The following LAMB4 variants were observed in gnomAD, a reference collection of about 807,000 sequenced individuals.
LAMB4 encodes laminin subunit beta-4.
In LAMB4, 196 loss-of-function variants were observed where a neutral mutation model predicts 199.2. The ratio of observed to expected loss-of-function variants is 0.98; its 90% CI spans 0.88 to 1.11. The LOEUF (loss-of-function observed/expected upper bound fraction) is 1.11, where lower values mean the gene tolerates loss of function less well. LAMB4 is among the 50% of genes least tolerant of loss of function. The probability of loss-of-function intolerance (pLI) is 0.00; values close to 1 mark genes in which losing one functional copy is unlikely to be tolerated. For missense variants in LAMB4, 2,080 were observed against 2,171.2 expected (o/e 0.96, Z 0.83); for synonymous variants, 744 against 770.6 (o/e 0.97, Z 0.57).
chr7:108,110,450 G>A (rs1298554807), intron 4 of LAMB4, among the ~76,000 whole-genome samples: 1 of 152,180 alleles, frequency 6.6e-6, no homozygotes, highest in Admixed American at 6.5e-5. Flanking sequence ...GCTCACACGG[G>A]ACAGTATGGC....
chr7:108,079,191 G>A (rs755263340), intron 15 of LAMB4, among the ~76,000 whole-genome samples: 2 of 152,198 alleles, frequency 1.3e-5, no homozygotes, highest in African/African-American at 4.8e-5. Flanking sequence ...TTCTCTTGTC[G>A]CAGGGTAAGA....
intron 30 of LAMB4, among the ~76,000 whole-genome samples, chr7:108,036,607 GAC>G (rs1563034709): frequency 6.6e-6 from 1 of 152,066 alleles, no homozygotes; most frequent in Non-Finnish European, 1.5e-5. Context: ...TGGATGATGA[GAC>G]AGTGACAATG....
At chr7:108,102,671 C>T (rs779229159) in intron 10 of LAMB4, among the ~76,000 whole-genome samples, 3 of 152,108 alleles carry the variant, frequency 2.0e-5, no homozygotes, top group Non-Finnish European at 4.4e-5. Flanking sequence ...TTTTAAAAAG[C>T]GCAAGGTAAG....
At chr7:108,041,907 T>G (rs1047249769) in intron 29 of LAMB4, among the ~76,000 whole-genome samples, 1 of 152,230 alleles carries the variant, frequency 6.6e-6, no homozygotes, top group Non-Finnish European at 1.5e-5. Flanking sequence ...AAAGTTCGAA[T>G]GAAAAGTGAA....
chr7:108,013,179 G>A, the LAMB4 span, among the ~76,000 whole-genome samples: 1 of 152,186 alleles, frequency 6.6e-6, no homozygotes, highest in African/African-American at 2.4e-5. Flanking sequence ...AATTGCAAGT[G>A]CCTTGAGAGC....
intron 28 of LAMB4, 152 bp from the exon 29 acceptor site, chr7:108,044,048 C>CTTT: frequency 1.7e-6 from 1 of 582,100 alleles, no homozygotes; most frequent in South Asian, 2.7e-5. Context: ...TGCAAGGAAT[C>CTTT]TTTTACAAGG....
At chr7:108,020,621 G>A (rs2034673074), downstream of LAMB4, among the ~76,000 whole-genome samples, 1 of 152,022 alleles carries the variant, frequency 6.6e-6, no homozygotes, top group East Asian at 1.9e-4. Flanking sequence ...TTAGATGGGA[G>A]GCAGAGCTGT....
intron 28 of LAMB4, among the ~76,000 whole-genome samples, 200 bp downstream of exon 28, chr7:108,047,708 G>GTATACATATATATAAC (rs2035677167): frequency 6.6e-6 from 1 of 152,004 alleles, no homozygotes. Flanking sequence ...TATATAACAG[G>GTATACATATATATAAC]AAATATATCA....
intron 32 of LAMB4, among the ~76,000 whole-genome samples, chr7:108,030,529 C>G (rs2034991149): frequency 6.6e-6 from 1 of 152,102 alleles, no homozygotes; most frequent in East Asian, 1.9e-4. Flanking sequence ...AAGTTCGGGG[C>G]AAATTTGATT....
chr7:108,121,285 T>C (rs1347489937), intron 2 of LAMB4, among the ~76,000 whole-genome samples: 1 of 152,180 alleles, frequency 6.6e-6, no homozygotes, highest in South Asian at 2.1e-4. Flanking sequence ...TGTAAAGAAT[T>C]GTTTTATAGA....
At chr7:108,091,144 G>A (rs2037386556) in intron 14 of LAMB4, among the ~76,000 whole-genome samples, 1 of 150,764 alleles carries the variant, frequency 6.6e-6, no homozygotes. Context: ...TCACACTCTT[G>A]AGAACCTTCT....
chr7:108,107,033 A>G (rs1019239411), intron 6 of LAMB4, among the ~76,000 whole-genome samples: 6 of 152,220 alleles, frequency 3.9e-5, no homozygotes, highest in African/African-American at 1.4e-4. Flanking sequence ...CTCTTTATGT[A>G]CAAGTGGTTC....
At chr7:108,031,364 G>GAAAAAAAAAAAAAAAAA (rs2035031522) in intron 31 of LAMB4, among the ~76,000 whole-genome samples, 2 of 87,448 alleles carry the variant, frequency 2.3e-5, no homozygotes, top group African/African-American at 4.3e-5. Flanking sequence ...AAAGAAAAAG[G>GAAAAAAAAAAAAAAAAA]AAAAGAAAAA....
At chr7:108,026,754 A>G (rs2034851995) in intron 33 of LAMB4, 1 of 334,534 alleles carries the variant, frequency 3.0e-6, no homozygotes. Flanking sequence ...CTCTCTCAAC[A>G]TTGTTGCTGC....
rs142324757 is a variant in LAMB4, at chr7:108,070,058, T to G, written c.2125-173A>C. The stretch of plus-strand genomic sequence containing the variant: ...AGATTTTCAATTTATTTAAGAAATC[T>G]TTAAATATTTATATTTCTGGACTTG... On this transcript the variant is annotated intron_variant, in intron 17 of 33. Coordinates refer to ENST00000388781, the MANE Select transcript of LAMB4 (RefSeq NM_007356.3). Among the ~76,000 whole-genome samples the G allele has an allele frequency of 3.5e-3, 531 of 152,318 alleles. 3 individuals carry two copies. Among genetic ancestry groups the G allele is most frequent in the African/African-American group, 0.012 (504 of 41,566 alleles).
At position 108,126,554 on chromosome 7, in the gene LAMB4, C is replaced by CT. The variant is rs71137605; in HGVS notation, c.-33-3358dup. Among the ~76,000 whole-genome samples the CT allele has an allele frequency of 4.5e-4, 38 of 83,530 alleles. 3 individuals carry two copies. The highest frequency in any genetic ancestry group is 3.9e-3 in the Admixed American group (19 of 4,874). The allele number at this position is 83,530 out of a possible 152,430, so 54.8% of individuals were successfully genotyped here. On this transcript the variant is annotated intron_variant, in intron 1 of 33. Transcript: ENST00000388781. Reference sequence around the variant, plus strand: ...TTGTAGGATGTGTCAGAATTTCTTTCTTTTTTTTTTTTTTTTTTTTTGAGA... The same window carrying CT: ...TTGTAGGATGTGTCAGAATTTCTTTCTTTTTTTTTTTTTTTTTTTTTTGAGA...
intron 18 of LAMB4, among the ~76,000 whole-genome samples, chr7:108,068,977 T>C (rs1477791323): frequency 6.6e-6 from 1 of 152,174 alleles, no homozygotes; most frequent in Non-Finnish European, 1.5e-5. Flanking sequence ...TGACCCACCA[T>C]GCCCGGTCCC....
At chr7:108,048,877 G>A (rs1278697897) in intron 27 of LAMB4, among the ~76,000 whole-genome samples, 1 of 151,998 alleles carries the variant, frequency 6.6e-6, no homozygotes, top group Non-Finnish European at 1.5e-5. Context: ...TTTTTGTAGA[G>A]ACGGGGTTTC....
intron 12 of LAMB4, among the ~76,000 whole-genome samples, chr7:108,093,060 A>C (rs989195218): frequency 6.6e-6 from 1 of 152,144 alleles, no homozygotes; most frequent in Non-Finnish European, 1.5e-5. Flanking sequence ...CTACCAGCCT[A>C]TGTGTAACTG....
Sources: gnomAD v4.1 joint callset for allele counts (sites outside exome capture counted in the v4.1 genomes callset) on GRCh38, gnomAD v4.1.1 for gene constraint, MANE v1.5 for transcripts, NCBI Gene and HGNC (gene_info 2026-07-23, HGNC 2026-07-21) for gene names.